Variants in LUZP2 observed in about 807,000 individuals in gnomAD.
LUZP2 encodes leucine zipper protein 2.
In LUZP2, 52 loss-of-function variants were observed where a neutral mutation model predicts 51.6. The ratio of observed to expected loss-of-function variants is 1.01; its 90% confidence interval spans 0.81 to 1.27. The LOEUF is 1.27. LUZP2 is among the 50% of genes most tolerant of loss of function. The pLI is 0.00. For synonymous variants in LUZP2, 154 were observed against 137.3 expected (o/e 1.12, Z -0.85); for missense variants, 436 against 395.4 (o/e 1.10, Z -0.87).
At chr11:24,958,636 G>A (rs1590774070) in intron 7 of LUZP2, among the ~76,000 whole-genome samples, 1 of 151,976 alleles carries the variant, frequency 6.6e-6, no homozygotes, top group Non-Finnish European at 1.5e-5. Flanking sequence ...TGAGTTCATT[G>A]TAGATTCTGG....
At chr11:24,926,283 A>G (rs1048134195) in intron 7 of LUZP2, among the ~76,000 whole-genome samples, 1 of 69,352 alleles carries the variant, frequency 1.4e-5, no homozygotes, top group Non-Finnish European at 3.3e-5. Flanking sequence ...GTGTATATAT[A>G]TATACGTGTG....
At chr11:24,664,763 A>C (rs886085862) in intron 1 of LUZP2, among the ~76,000 whole-genome samples, 1 of 152,230 alleles carries the variant, frequency 6.6e-6, no homozygotes, top group South Asian at 2.1e-4. Context: ...GTGGGTGCAC[A>C]GAAGTACAAA....
At chr11:24,989,236 C>T (rs377346848) in intron 9 of LUZP2, among the ~76,000 whole-genome samples, 53 of 152,010 alleles carry the variant, frequency 3.5e-4, no homozygotes, top group African/African-American at 1.2e-3. Flanking sequence ...GCATCACATG[C>T]GGGGGAAGTC....
intron 5 of LUZP2, among the ~76,000 whole-genome samples, chr11:24,772,615 C>A (rs1365517708): frequency 6.6e-6 from 1 of 152,158 alleles, no homozygotes; most frequent in Non-Finnish European, 1.5e-5. Context: ...TCCCTATAAA[C>A]TATCCATATA....
chr11:24,527,070 G>A (rs1509609), intron 1 of LUZP2, among the ~76,000 whole-genome samples: 3,777 of 151,258 alleles, frequency 0.025, 149 homozygotes, highest in African/African-American at 0.086. Context: ...AGTCAGTGGC[G>A]ACCCTCCATT....
Position 24,792,037 on chromosome 11 carries a change from ATTC to A in LUZP2, c.396+28733_396+28735del, listed in dbSNP as rs1849423424. Among the ~76,000 whole-genome samples the A allele has an allele frequency of 2.0e-5, 3 of 151,522 alleles. No individual in the cohort carries two copies. The South Asian group carries it at 6.2e-4, about 31-fold the overall frequency. On this transcript the variant is annotated intron_variant, in intron 5 of 11. Coordinates refer to ENST00000336930, the MANE Select transcript of LUZP2 (RefSeq NM_001009909.4). ...TAAACTTTGAGAGCTTTGAAATGGA[ATTC>A]TTCATTTTAAAATTATCCGATCATT...
chr11:24,513,699 G>A (rs1380166294), intron 1 of LUZP2, among the ~76,000 whole-genome samples: 1 of 152,168 alleles, frequency 6.6e-6, no homozygotes, highest in Non-Finnish European at 1.5e-5. Flanking sequence ...TGATTCTAAA[G>A]CCTGGGGTGT....
intron 7 of LUZP2, among the ~76,000 whole-genome samples, chr11:24,916,589 G>T (rs188525718): frequency 6.6e-6 from 1 of 151,962 alleles, no homozygotes; most frequent in Non-Finnish European, 1.5e-5. Flanking sequence ...GTGGTGTTTG[G>T]TTTTTTGTCC....
chr11:24,544,402 T>C (rs1409769471), intron 1 of LUZP2, among the ~76,000 whole-genome samples: 1 of 152,094 alleles, frequency 6.6e-6, no homozygotes, highest in Non-Finnish European at 1.5e-5. Flanking sequence ...TTAAGCCTAG[T>C]GCCCATTAGT....
chr11:25,047,948 A>G (rs751437673), intron 9 of LUZP2, among the ~76,000 whole-genome samples: 4 of 148,288 alleles, frequency 2.7e-5, no homozygotes, highest in Admixed American at 6.9e-5. Context: ...CCTCCTCATT[A>G]GCTAGGATTA....
chr11:24,816,164 C>G (rs145708684), intron 5 of LUZP2, among the ~76,000 whole-genome samples: 223 of 152,122 alleles, frequency 1.5e-3, no homozygotes, highest in African/African-American at 4.8e-3. Context: ...AGTCCCATGC[C>G]TGGCTTGCAG....
chr11:24,779,246 G>A (rs2631400), intron 5 of LUZP2, among the ~76,000 whole-genome samples: 109,907 of 152,056 alleles, frequency 0.72, 40,217 homozygotes, highest in East Asian at 0.86. Context: ...AAGTGTTGGA[G>A]ATATTCTTGA....
intron 5 of LUZP2, among the ~76,000 whole-genome samples, chr11:24,868,916 T>G (rs1025433834): frequency 6.6e-6 from 1 of 152,280 alleles, no homozygotes; most frequent in East Asian, 1.9e-4. Context: ...ACCAGTAATA[T>G]GGAAGAGCAA....
At chr11:24,773,909 G>A (rs1260034693) in intron 5 of LUZP2, among the ~76,000 whole-genome samples, 1 of 152,068 alleles carries the variant, frequency 6.6e-6, no homozygotes, top group African/African-American at 2.4e-5. Flanking sequence ...TGTAGCCAAT[G>A]TAGCCATTGT....
rs920896569 is a variant in LUZP2 at position 24,833,745 on chromosome 11, GCAAA to G, written c.396+70444_396+70447del. Reference sequence around the variant, plus strand: ...ACACACACACACTTGATTCCATTGTGCAAACAAACAGAAAAACCTGCAAGCTCAT... The same window carrying G: ...ACACACACACACTTGATTCCATTGTGCAAACAGAAAAACCTGCAAGCTCAT... On this transcript the variant is annotated intron_variant, in intron 5 of 11. Transcript: ENST00000336930. Among the ~76,000 whole-genome samples the G allele has an allele frequency of 2.7e-5, 4 of 146,530 alleles. No individual in the cohort carries two copies. In the South Asian group the frequency reaches 6.6e-4, roughly 24 times the overall value.
chr11:24,863,878 A>G (rs1043860449), intron 5 of LUZP2, among the ~76,000 whole-genome samples: 7 of 152,154 alleles, frequency 4.6e-5, no homozygotes, highest in African/African-American at 1.2e-4. Flanking sequence ...CATAATTGAG[A>G]TTCATAATGA....
chr11:24,983,367 T>C (rs1053365902), intron 9 of LUZP2, 74 bp downstream of exon 9: 1 of 1,395,882 alleles, frequency 7.2e-7, no homozygotes, highest in African/African-American at 1.4e-5. Context: ...GTATATATAA[T>C]CACCAGAGTG....
At chr11:24,937,258 G>A (rs1053873894) in intron 7 of LUZP2, among the ~76,000 whole-genome samples, 2 of 152,168 alleles carry the variant, frequency 1.3e-5, no homozygotes, top group East Asian at 3.9e-4. Flanking sequence ...TTGCTTAGTA[G>A]ATGTAGCTTG....
At chr11:24,552,082 A>G (rs1443973755) in intron 1 of LUZP2, among the ~76,000 whole-genome samples, 3 of 152,052 alleles carry the variant, frequency 2.0e-5, no homozygotes, top group Non-Finnish European at 4.4e-5. Flanking sequence ...TTTAATTTAT[A>G]AGGCTAGTGT....
Sources: allele counts gnomAD v4.1 joint callset (sites outside exome capture counted in the v4.1 genomes callset), GRCh38; gene constraint gnomAD v4.1.1; transcripts MANE v1.5; gene names NCBI Gene and HGNC (gene_info 2026-07-23, HGNC 2026-07-21).